The following MS4A6A variants were observed in gnomAD, a reference collection of about 807,000 sequenced individuals.
The protein encoded by MS4A6A is membrane spanning 4-domains A6A.
A neutral mutation model predicts 20.6 loss-of-function variants in MS4A6A; 19 were observed. The ratio of observed to expected loss-of-function variants is 0.92; its 90% CI spans 0.64 to 1.36. MS4A6A has a LOEUF of 1.36. Among genes scored for constraint, MS4A6A ranks in the 40% most tolerant of loss-of-function variants. MS4A6A has a pLI of 0.00. For missense variants in MS4A6A, 272 were observed against 261.1 expected (o/e 1.04, Z -0.29); for synonymous variants, 108 against 105.0 (o/e 1.03, Z -0.17).
intron 5 of MS4A6A, among the ~76,000 whole-genome samples, chr11:60,174,995 C>T (rs2134766466): frequency 6.6e-6 from 1 of 152,194 alleles, no homozygotes; most frequent in African/African-American, 2.4e-5. Context: ...ACCAAATTAA[C>T]TCCTTACCAT....
chr11:60,172,431 A>G (rs1856625653), downstream of MS4A6A: 1 of 1,313,266 alleles, frequency 7.6e-7, no homozygotes. Flanking sequence ...TCTACACTCT[A>G]TAATACAATT....
intron 2 of MS4A6A, chr11:60,180,213 G>T: frequency 1.8e-6 from 1 of 541,962 alleles, no homozygotes; most frequent in East Asian, 3.1e-5. Flanking sequence ...CTGCCTCTCA[G>T]GCCCTGGTCT....
rs1857045204 is a variant in MS4A6A, at chr11:60,179,935, A to G, written c.178T>C (p.Leu60=). Residue 60 remains leucine (L), a synonymous_variant, in exon 3 of 6, where the codon TTG becomes CTG. Transcript: ENST00000528851. ...GATGCCAAAATGATCCCCAAGCTCA[A>G]TACCATCATGCCACACAAGATCTGG... ...TIQILCGMMV[L]SLGIILASAS... is the part of the protein sequence containing the mutation. 3 of 1,614,150 alleles carry G rather than the reference A, an allele frequency of 1.9e-6. No homozygotes were observed. Among genetic ancestry groups the G allele is most frequent in the African/African-American group, 1.3e-5 (1 of 75,060 alleles).
intron 1 of MS4A6A, 83 bp from the exon 2 acceptor site, chr11:60,181,824 C>T: frequency 7.4e-7 from 1 of 1,360,236 alleles, no homozygotes; most frequent in Non-Finnish European, 1.0e-6. Flanking sequence ...TCAGTCTTTG[C>T]CAATTAGTCT....
intron 1 of MS4A6A, 127 bp from the exon 2 acceptor site, chr11:60,181,868 T>C: frequency 1.1e-6 from 1 of 899,940 alleles, no homozygotes. Flanking sequence ...AAGAAACTGA[T>C]AGTATGGAAC....
At chr11:60,172,118 A>G (rs371274414), downstream of MS4A6A, 633 of 1,585,670 alleles carry the variant, frequency 4.0e-4, 2 homozygotes, top group African/African-American at 7.6e-3. Flanking sequence ...CCATATTATC[A>G]TAAGAATCAA....
intron 5 of MS4A6A, among the ~76,000 whole-genome samples, chr11:60,174,106 G>A (rs1010762145): frequency 7.2e-5 from 11 of 152,174 alleles, no homozygotes; most frequent in African/African-American, 2.4e-4. Context: ...GGTGGAATTG[G>A]CTGTGCCAGG....
At chr11:60,182,834 A>G (rs1291429286) in intron 1 of MS4A6A, 144 bp downstream of exon 1, 3 of 269,024 alleles carry the variant, frequency 1.1e-5, no homozygotes, top group Non-Finnish European at 2.0e-5. Flanking sequence ...TTAAAAACAG[A>G]TACTCCTTCC....
In MS4A6A at chr11:60,179,845, T is replaced by C; in HGVS notation, c.268A>G (p.Ile90Val). 6.2e-7 allele frequency: 1 copy of C among 1,614,070 alleles called. No homozygotes were observed. The change falls in exon 3 of 6, where the codon ATA becomes GTA. Residue 90 changes from isoleucine to valine, a missense_variant. By Grantham distance (29) the Ile-to-Val change is conservative (BLOSUM62 3). Coordinates refer to ENST00000528851, the MANE Select transcript of MS4A6A (RefSeq NM_022349.4). ...ACTCTACTCACAAAAAAGGGTCCTA[T>C]GAATGGGTAAGCAGAGTTCAACAGT... is the stretch of plus-strand genomic sequence containing the variant. ...STLLNSAYPF[I>V]GPFFFIISGS...
chr11:60,180,031 G>T (rs377193282), intron 2 of MS4A6A, 66 bp from the exon 3 acceptor site: 11 of 1,499,726 alleles, frequency 7.3e-6, no homozygotes, highest in East Asian at 2.3e-5. Context: ...CCTTTTTGCC[G>T]CTCCCATGGC....
chr11:60,174,086 T>G (rs1856716354), intron 5 of MS4A6A, among the ~76,000 whole-genome samples: 1 of 152,218 alleles, frequency 6.6e-6, no homozygotes, highest in Non-Finnish European at 1.5e-5. Flanking sequence ...CTCTTCAGAA[T>G]TTTTCCCAAG....
Position 60,172,866 on chromosome 11 carries a change from A to G in MS4A6A, c.*135T>C, listed in dbSNP as rs2134754199. 2 of 1,491,120 alleles carry G rather than the reference A, an allele frequency of 1.3e-6. No individual in the cohort carries two copies. Among genetic ancestry groups the G allele is most frequent in the Non-Finnish European group, 1.8e-6 (2 of 1,117,468 alleles). 92.4% of individuals were successfully genotyped at this position (1,491,120 alleles called of 1,614,324 possible). On this transcript the variant is annotated 3_prime_UTR_variant, in exon 6 of 6. Coordinates refer to ENST00000528851, the MANE Select transcript of MS4A6A (RefSeq NM_022349.4). The stretch of plus-strand genomic sequence containing the variant: ...TCAGCTTATCAGCTACTCAATTGCC[A>G]TCTGCTTTTCTTCTCTGTCTTCCAT...
rs1197500836 is a variant in MS4A6A, at chr11:60,172,944, C to T, written c.*57G>A. The T allele has an allele frequency of 1.2e-6, 2 of 1,607,244 alleles. No individual in the cohort carries two copies. The highest frequency in any genetic ancestry group is 1.7e-6 in the Non-Finnish European group (2 of 1,175,168). On this transcript the variant is annotated 3_prime_UTR_variant, in exon 6 of 6. Transcript: ENST00000528851. ...TCTCATGACTGACTGATTGTTCCTT[C>T]TACCACTCTTGGTGACATACTCAAC...
Position 60,172,689 on chromosome 11 carries a change from A to G in MS4A6A, c.*312T>C. 8.4e-7 allele frequency: 1 copy of G among 1,183,842 alleles called. No individual in the cohort carries two copies. Among genetic ancestry groups the G allele is most frequent in the South Asian group, 2.0e-5 (1 of 48,896 alleles). The allele number at this position is 1,183,842 out of a possible 1,614,324, so 73.3% of individuals were successfully genotyped here. Reference sequence around the variant, plus strand: ...TTTCTGCTTATAAGGGAGGCAAGCCAGGTTCTAGTGTCCTCAGCAAAGGCA... The same window carrying G: ...TTTCTGCTTATAAGGGAGGCAAGCCGGGTTCTAGTGTCCTCAGCAAAGGCA... On this transcript the variant is annotated 3_prime_UTR_variant, in exon 6 of 6. Transcript: ENST00000528851.
chr11:60,175,021 C>T (rs1347028151), intron 5 of MS4A6A, among the ~76,000 whole-genome samples: 2 of 152,196 alleles, frequency 1.3e-5, no homozygotes, highest in East Asian at 3.9e-4. Flanking sequence ...CATACTGTTT[C>T]CTTGTTGGCC....
At position 60,172,588 on chromosome 11, in the gene MS4A6A, T is replaced by C. The variant is rs1270959074; in HGVS notation, c.*413A>G. The C allele has an allele frequency of 4.4e-5, 50 of 1,124,140 alleles. No homozygotes were observed. The highest frequency in any genetic ancestry group is 5.1e-5 in the Non-Finnish European group (47 of 915,106). 69.6% of individuals were successfully genotyped at this position (1,124,140 alleles called of 1,614,324 possible). ...CAAATGCAGAGCATAAGACATTCAC[T>C]GGATCCAGTTACGTGTGTAAATGCC... On this transcript the variant is annotated 3_prime_UTR_variant, in exon 6 of 6. Coordinates refer to ENST00000528851, the MANE Select transcript of MS4A6A (RefSeq NM_022349.4).
chr11:60,180,073 A>G, intron 2 of MS4A6A, 108 bp from the exon 3 acceptor site: 1 of 1,117,676 alleles, frequency 8.9e-7, no homozygotes, highest in Non-Finnish European at 1.3e-6. Context: ...GCAAGATCCT[A>G]ATGAGGATAC....
chr11:60,172,925 GAC>G lies in MS4A6A; in HGVS notation c.*74_*75del. 4 of 1,598,206 alleles carry G rather than the reference GAC, an allele frequency of 2.5e-6. No homozygotes were observed. Among genetic ancestry groups the G allele is most frequent in the Non-Finnish European group, 2.6e-6 (3 of 1,168,884 alleles). ...AAATGCCCTCCCATGTGTATCTCATGACTGACTGATTGTTCCTTCTACCACTC... is the reference window on the plus strand; with the variant it reads ...AAATGCCCTCCCATGTGTATCTCATGTGACTGATTGTTCCTTCTACCACTC... On this transcript the variant is annotated 3_prime_UTR_variant, in exon 6 of 6. Transcript: ENST00000528851.
At chr11:60,171,735 G>A (rs369947523), downstream of MS4A6A, among the ~76,000 whole-genome samples, 1 of 152,178 alleles carries the variant, frequency 6.6e-6, no homozygotes, top group African/African-American at 2.4e-5. Context: ...GTATAAAAAA[G>A]TCTGAGCACC....
Sources: gnomAD v4.1 joint callset for allele counts (sites outside exome capture counted in the v4.1 genomes callset) on GRCh38, gnomAD v4.1.1 for gene constraint, MANE v1.5 for transcripts, NCBI Gene and HGNC (gene_info 2026-07-23, HGNC 2026-07-21) for gene names.